OSTM1: variants seen among roughly 807,000 people sequenced by gnomAD.
OSTM1 encodes the protein osteoclastogenesis associated transmembrane protein 1.
A neutral mutation model predicts 35.4 loss-of-function variants in OSTM1; 26 were observed. That is an observed-to-expected ratio of 0.73 (90% CI 0.54 to 1.02). The LOEUF (loss-of-function observed/expected upper bound fraction) is 1.02. Among genes scored for constraint, OSTM1 ranks in the 50% least tolerant of loss-of-function variants. The pLI, the probability that OSTM1 is intolerant of heterozygous loss-of-function variation, is 0.00. For synonymous variants in OSTM1, 181 were observed against 165.0 expected, an observed-to-expected ratio of 1.10 and a Z score of -0.75; for missense variants, 366 against 409.6, an observed-to-expected ratio of 0.89 and a Z score of 0.92.
At position 108,051,247 on chromosome 6, in the gene OSTM1, A is replaced by G. The variant is rs377292844; in HGVS notation, c.616-49T>C. On this transcript the variant is annotated intron_variant, in intron 3 of 5. Coordinates refer to ENST00000193322, the MANE Select transcript of OSTM1 (RefSeq NM_014028.4). ...ATATATACAATAAACATTATATACA[A>G]TATCTCTTTAATGTAAGCTATTTAC... 2.0e-5 allele frequency: 26 copies of G among 1,311,044 alleles called. No individual in the cohort carries two copies. The African/African-American group carries it at 2.6e-4, about 13-fold the overall frequency. 81.2% of individuals were successfully genotyped at this position (1,311,044 alleles called of 1,614,324 possible). A position where few individuals can be genotyped will look rare whatever the true frequency, so the allele number is the denominator to read the frequency against.
chr6:108,054,448 T>C, intron 3 of OSTM1, 42 bp downstream of exon 3: 1 of 907,454 alleles, frequency 1.1e-6, no homozygotes, highest in Non-Finnish European at 1.8e-6. Flanking sequence ...TATTCCTTTG[T>C]ACAAGGCAGC....
At chr6:108,057,839 C>T (rs1218610425) in intron 2 of OSTM1, among the ~76,000 whole-genome samples, 10 of 151,948 alleles carry the variant, frequency 6.6e-5, no homozygotes, top group African/African-American at 2.4e-4. Flanking sequence ...GAATTGGGAG[C>T]TTAAGATTAT....
At chr6:108,049,533 T>G in intron 4 of OSTM1, 115 bp from the exon 5 acceptor site, 1 of 1,522,038 alleles carries the variant, frequency 6.6e-7, no homozygotes, top group Non-Finnish European at 8.8e-7. Flanking sequence ...AATACATACC[T>G]CTAAAAACCT....
rs58798743 is a variant in OSTM1 at position 108,042,414 on chromosome 6, CTT to C, written c.*2369_*2370del. The C allele has an allele frequency of 0.25, 32,185 of 129,362 alleles. 3,552 individuals carry two copies. Among genetic ancestry groups the C allele is most frequent in the Admixed American group, 0.29 (3,581 of 12,442 alleles). 8.0% of individuals were successfully genotyped at this position (129,362 alleles called of 1,614,324 possible). On this transcript the variant is annotated 3_prime_UTR_variant, in exon 6 of 6. Coordinates refer to ENST00000193322, the MANE Select transcript of OSTM1 (RefSeq NM_014028.4). ...TAAGACAGACAGTACTTTCTTTTTT[CTT>C]TTTTTTTTTTTTTTTTTGAGACAAG...
chr6:108,060,256 T>C (rs746391857), intron 2 of OSTM1, among the ~76,000 whole-genome samples: 1 of 152,194 alleles, frequency 6.6e-6, no homozygotes, highest in Non-Finnish European at 1.5e-5. Flanking sequence ...AGAAGTTCAA[T>C]GTAAGGAATA....
intron 2 of OSTM1, among the ~76,000 whole-genome samples, chr6:108,057,230 T>C (rs542477844): frequency 3.9e-5 from 6 of 152,290 alleles, no homozygotes; most frequent in Non-Finnish European, 7.4e-5. Context: ...ACTTGTCTCA[T>C]TGCCCCTCTT....
intron 5 of OSTM1, 88 bp from the exon 6 acceptor site, chr6:108,044,928 T>A (rs1201602429): frequency 1.6e-6 from 1 of 633,038 alleles, no homozygotes; most frequent in Non-Finnish European, 2.5e-6. Context: ...ATAGTATTTA[T>A]CTATTAATTC....
rs567863485 is a variant in OSTM1 at position 108,045,428 on chromosome 6, T to C, written c.950-588A>G. Among the ~76,000 whole-genome samples the C allele has an allele frequency of 2.0e-5, 3 of 150,394 alleles. No homozygotes were observed. In the East Asian group the frequency reaches 5.8e-4, roughly 29 times the overall value. ...AGAAAGAAAAGGAAAGCTATACATA[T>C]TGGAAAGAAAGAAAGAAAACTGCTT... On this transcript the variant is annotated intron_variant, in intron 5 of 5. Coordinates refer to ENST00000193322, the MANE Select transcript of OSTM1 (RefSeq NM_014028.4).
Position 108,049,250 on chromosome 6 carries a change from T to TA in OSTM1, c.949+2dup. On this transcript the variant is annotated splice_region_variant and intron_variant, in intron 5 of 5. Transcript: ENST00000193322. Reference sequence around the variant, plus strand: ...ATAAAATAAATAATTGTAAAAAACTTACGCAGAATGAGTTTGCGTTTCTTT... The same window carrying TA: ...ATAAAATAAATAATTGTAAAAAACTTAACGCAGAATGAGTTTGCGTTTCTTT... 6.3e-7 allele frequency: 1 copy of TA among 1,599,892 alleles called. No individual in the cohort carries two copies. Among genetic ancestry groups the TA allele is most frequent in the Non-Finnish European group, 8.6e-7 (1 of 1,168,514 alleles).
chr6:108,068,404 C>G (rs1269702547), intron 1 of OSTM1, among the ~76,000 whole-genome samples: 1 of 152,170 alleles, frequency 6.6e-6, no homozygotes, highest in Non-Finnish European at 1.5e-5. Context: ...ATAAACACCT[C>G]AAAATCAACA....
At chr6:108,045,170 A>C (rs1771945333) in intron 5 of OSTM1, among the ~76,000 whole-genome samples, 2 of 152,186 alleles carry the variant, frequency 1.3e-5, no homozygotes, top group Non-Finnish European at 2.9e-5. Flanking sequence ...TAGAATAACA[A>C]AATTATACAT....
rs1314593213 is a variant in OSTM1, at chr6:108,074,683, G to T, written c.-32C>A. 3 of 1,505,846 alleles carry T rather than the reference G, an allele frequency of 2.0e-6. No homozygotes were observed. The allele number at this position is 1,505,846 out of a possible 1,614,324, so 93.3% of individuals were successfully genotyped here. A position where few individuals can be genotyped will look rare whatever the true frequency, so the allele number is the denominator to read the frequency against. ...GCTCACACACCCCAGGGAGCCCACC[G>T]CCGCCTCTCCGCCCCCAGCCGGCAC... On this transcript the variant is annotated 5_prime_UTR_variant, in exon 1 of 6. Transcript: ENST00000193322.
At chr6:108,057,490 C>T (rs919099463) in intron 2 of OSTM1, among the ~76,000 whole-genome samples, 1 of 152,152 alleles carries the variant, frequency 6.6e-6, no homozygotes, top group Non-Finnish European at 1.5e-5. Flanking sequence ...AAGGGGTCCA[C>T]ATACTGCCAG....
intron 4 of OSTM1, 34 bp from the exon 5 acceptor site, chr6:108,049,452 A>T (rs145724964): frequency 3.1e-6 from 5 of 1,606,800 alleles, no homozygotes; most frequent in Non-Finnish European, 4.3e-6. Context: ...TTTCTATTTT[A>T]TATTTAACTT....
intron 3 of OSTM1, among the ~76,000 whole-genome samples, chr6:108,052,388 G>C (rs1359027427): frequency 6.7e-6 from 1 of 148,602 alleles, no homozygotes; most frequent in Non-Finnish European, 1.5e-5. Context: ...AGCCGAGATC[G>C]CGCCACTGCA....
In OSTM1 at chr6:108,061,284, A is replaced by G. The variant is rs12529089; in HGVS notation, c.517+2901T>C. Among the ~76,000 whole-genome samples the G allele has an allele frequency of 5.8e-3, 882 of 152,270 alleles. 40 individuals carry two copies. Among genetic ancestry groups the G allele is most frequent in the Admixed American group, 0.053 (810 of 15,296 alleles). ...TTTAGTTTTTCTTCATATGAACTAA[A>G]CAAAAAGACAAGTCTTGATAAAAGC... On this transcript the variant is annotated intron_variant, in intron 2 of 5. Transcript: ENST00000193322.
chr6:108,045,808 C>G (rs949250979), intron 5 of OSTM1, among the ~76,000 whole-genome samples: 34 of 151,956 alleles, frequency 2.2e-4, no homozygotes, highest in Admixed American at 2.2e-3. Flanking sequence ...ACAATCATGC[C>G]CATAGTGAGA....
intron 1 of OSTM1, among the ~76,000 whole-genome samples, chr6:108,064,889 G>A (rs984650194): frequency 2.0e-5 from 3 of 152,146 alleles, no homozygotes; most frequent in Admixed American, 1.3e-4. Flanking sequence ...CAGTCATGTG[G>A]GAGAAGAAAT....
Position 108,074,242 on chromosome 6 carries a change from G to A in OSTM1, c.402+8C>T, listed in dbSNP as rs781536509. The A allele has an allele frequency of 1.2e-6, 2 of 1,611,688 alleles. No individual in the cohort carries two copies. Among genetic ancestry groups the A allele is most frequent in the African/African-American group, 1.3e-5 (1 of 75,032 alleles). On this transcript the variant is annotated splice_region_variant and intron_variant, in intron 1 of 5. Transcript: ENST00000193322. ...GAGCCACAGTCCCGGACGTGGTCCTGTACCCACCCCCGCGGCTCGGCTGAT... is the reference window on the plus strand; with the variant it reads ...GAGCCACAGTCCCGGACGTGGTCCTATACCCACCCCCGCGGCTCGGCTGAT...
Sources: allele counts gnomAD v4.1 joint callset (sites outside exome capture counted in the v4.1 genomes callset), GRCh38; gene constraint gnomAD v4.1.1; transcripts MANE v1.5; gene names NCBI Gene and HGNC (gene_info 2026-07-23, HGNC 2026-07-21).